Variants in TLR3 observed in about 807,000 individuals in gnomAD.
TLR3 encodes the protein toll like receptor 3.
A neutral mutation model predicts 66.4 loss-of-function variants in TLR3; 43 were observed. That is an observed-to-expected ratio of 0.65 (90% CI 0.51 to 0.83). TLR3 has a LOEUF of 0.83. Among genes scored for constraint, TLR3 ranks in the 40% least tolerant of loss-of-function variants. TLR3 has a pLI of 0.00. For synonymous variants in TLR3, 397 were observed against 397.2 expected (o/e 1.00, Z 0.01); for missense variants, 982 against 1,044.6 (o/e 0.94, Z 0.83).
Position 186,083,838 on chromosome 4 carries a change from T to G in TLR3, c.2152T>G (p.Phe718Val). The G allele has an allele frequency of 6.2e-7, 1 of 1,614,132 alleles. No homozygotes were observed. The highest frequency in any genetic ancestry group is 1.3e-5 in the African/African-American group (1 of 75,042). ...TACCAGTATCCTGTTGATTTTTATC[T>G]TTATTGTACTTCTCATCCACTTTGA... is the stretch of plus-strand genomic sequence containing the variant. ...INTSILLIFI[F>V]IVLLIHFEGW... is the part of the protein sequence containing the mutation. The change falls in exon 4 of 5, where the codon TTT becomes GTT. Residue 718 changes from phenylalanine to valine, a missense_variant. Phe to Val is a conservative substitution (Grantham distance 50). Coordinates refer to ENST00000296795, the MANE Select transcript of TLR3 (RefSeq NM_003265.3). This position sits in a 1 kb window ranked among gnomAD's most constrained non-coding sequence, Gnocchi z 4.0.
At chr4:186,070,791 C>A (rs1399228195) in intron 1 of TLR3, among the ~76,000 whole-genome samples, 1 of 151,984 alleles carries the variant, frequency 6.6e-6, no homozygotes, top group Non-Finnish European at 1.5e-5. Flanking sequence ...GCAGCCTTAA[C>A]CTCCTGGGCT....
chr4:186,079,807 G>C (rs1444627157), intron 3 of TLR3, among the ~76,000 whole-genome samples: 1 of 152,212 alleles, frequency 6.6e-6, no homozygotes, highest in Non-Finnish European at 1.5e-5. Flanking sequence ...ATTGCGAGAA[G>C]GCAACGGGCA....
rs2099304572 is a variant in TLR3 at position 186,087,654 on chromosome 4, G to A, written c.*2781G>A. On this transcript the variant is annotated 3_prime_UTR_variant, in exon 5 of 5. Coordinates refer to ENST00000296795, the MANE Select transcript of TLR3 (RefSeq NM_003265.3). ...TTTTAGACTGTAATCAGAGGTAGATGCTATCAATTTGTTAGTGAGGAGGGG... is the reference window on the plus strand; with the variant it reads ...TTTTAGACTGTAATCAGAGGTAGATACTATCAATTTGTTAGTGAGGAGGGG... 1 of 152,210 alleles carries A rather than the reference G, an allele frequency of 6.6e-6. No homozygotes were observed. The highest frequency in any genetic ancestry group is 6.5e-5 in the Admixed American group (1 of 15,282). The allele number at this position is 152,210 out of a possible 1,614,324, so 9.4% of individuals were successfully genotyped here.
chr4:186,076,008 G>A (rs1263674660), intron 1 of TLR3, among the ~76,000 whole-genome samples: 1 of 151,990 alleles, frequency 6.6e-6, no homozygotes, highest in Non-Finnish European at 1.5e-5. Context: ...ATAAAAATTA[G>A]CCAGGTGTGG....
At chr4:186,077,607 C>G (rs1343385606) in intron 2 of TLR3, among the ~76,000 whole-genome samples, 1 of 150,590 alleles carries the variant, frequency 6.6e-6, no homozygotes, top group Non-Finnish European at 1.5e-5. Context: ...TTTTTCTTTT[C>G]TTTTTAGTTG....
At position 186,083,392 on chromosome 4, in the gene TLR3, T is replaced by C; in HGVS notation, c.1706T>C (p.Leu569Ser). Residue 569 changes from leucine (L) to serine (S), a missense_variant, in exon 4 of 5, where the codon TTG (leucine) becomes TCG (serine). Around this residue, in one of 3 missense-constraint regions of TLR3, gnomAD observed 666 missense variants for 709.0 expected, o/e 0.94. Transcript: ENST00000296795. This position sits in a 1 kb window ranked among gnomAD's most constrained non-coding sequence, Gnocchi z 4.0. ...KGLSHLHILN[L>S]ESNGFDEIPV... is the part of the protein sequence containing the mutation. Reference sequence around the variant, plus strand: ...CTGTCTCACCTCCACATCCTTAACTTGGAGTCCAACGGCTTTGACGAGATC... The same window carrying C: ...CTGTCTCACCTCCACATCCTTAACTCGGAGTCCAACGGCTTTGACGAGATC... 3 of 1,614,184 alleles carry C rather than the reference T, an allele frequency of 1.9e-6. No individual in the cohort carries two copies. In the South Asian group the frequency reaches 3.3e-5, roughly 18 times the overall value.
At position 186,079,311 on chromosome 4, in the gene TLR3, T is replaced by C. The variant is rs1410639923; in HGVS notation, c.633+280T>C. Among the ~76,000 whole-genome samples the C allele has an allele frequency of 2.0e-5, 3 of 152,168 alleles. No homozygotes were observed. The East Asian group carries it at 5.8e-4, about 29-fold the overall frequency. ...ATCTCTGAGTCTGTGTCCTCACTTATAAAGTGGAAATAGTGCTCTCTCACA... is the reference window on the plus strand; with the variant it reads ...ATCTCTGAGTCTGTGTCCTCACTTACAAAGTGGAAATAGTGCTCTCTCACA... On this transcript the variant is annotated intron_variant, in intron 3 of 4. Transcript: ENST00000296795.
chr4:186,075,463 A>T (rs2099302296), intron 1 of TLR3, among the ~76,000 whole-genome samples: 1 of 152,052 alleles, frequency 6.6e-6, no homozygotes, highest in South Asian at 2.1e-4. Context: ...CTCTCTATAA[A>T]ATTTAAAAAA....
chr4:186,081,300 C>A (rs2099303414), intron 3 of TLR3, among the ~76,000 whole-genome samples: 2 of 151,810 alleles, frequency 1.3e-5, no homozygotes, highest in African/African-American at 4.8e-5. Flanking sequence ...GAAATCAGAG[C>A]CCTTTACTCC....
intron 1 of TLR3, among the ~76,000 whole-genome samples, chr4:186,071,812 T>C (rs1214664411): frequency 1.3e-5 from 2 of 152,232 alleles, no homozygotes; most frequent in Non-Finnish European, 2.9e-5. Context: ...CCTAAGGTGA[T>C]TTTATTACCT....
intron 2 of TLR3, among the ~76,000 whole-genome samples, chr4:186,078,336 T>C (rs1375612107): frequency 6.6e-6 from 1 of 152,134 alleles, no homozygotes; most frequent in Admixed American, 6.5e-5. Context: ...AAAATTTATA[T>C]AATATGACCC....
At position 186,084,846 on chromosome 4, in the gene TLR3, A is replaced by G. The variant is rs2099304114; in HGVS notation, c.2688A>G (p.Ala896=). The G allele has an allele frequency of 6.2e-7, 1 of 1,613,938 alleles. No homozygotes were observed. The highest frequency in any genetic ancestry group is 1.3e-5 in the African/African-American group (1 of 75,060). ...CCTTTCGTCATAAATTGCAAGTAGC[A>G]CTTGGATCCAAAAACTCTGTACATT... ...IGAFRHKLQV[A]LGSKNSVH The change falls in exon 5 of 5, where the codon GCA becomes GCG. Residue 896 remains alanine (A), a synonymous_variant. Transcript: ENST00000296795.
rs1579734605 is a variant in TLR3, at chr4:186,087,828, T to C, written c.*2955T>C. ...AACTTAGAAGGAATTTCTTGCAATC[T>C]ATTGAGACACAAAGCAGATGAGTGG... On this transcript the variant is annotated 3_prime_UTR_variant, in exon 5 of 5. Coordinates refer to ENST00000296795, the MANE Select transcript of TLR3 (RefSeq NM_003265.3). 1 of 152,154 alleles carries C rather than the reference T, an allele frequency of 6.6e-6. No homozygotes were observed. The highest frequency in any genetic ancestry group is 2.4e-5 in the African/African-American group (1 of 41,430). The allele number at this position is 152,154 out of a possible 1,614,324, so 9.4% of individuals were successfully genotyped here.
intron 3 of TLR3, among the ~76,000 whole-genome samples, chr4:186,079,609 T>G (rs1274369386): frequency 6.6e-6 from 1 of 152,190 alleles, no homozygotes; most frequent in Non-Finnish European, 1.5e-5. Context: ...TATAAAAACC[T>G]TCCTATAATG....
rs200337561 is a variant in TLR3 at position 186,082,280 on chromosome 4, T to C, written c.634-40T>C. The C allele has an allele frequency of 1.5e-4, 190 of 1,301,274 alleles. 1 individual carries two copies. In the African/African-American group the frequency reaches 2.2e-3, roughly 15 times the overall value. 80.6% of individuals were successfully genotyped at this position (1,301,274 alleles called of 1,614,324 possible). Reference sequence around the variant, plus strand: ...TTTCAACAGCATTACAGAGTCTGTGTTCTTTTGATTGTTAACCTCTTTTTT... The same window carrying C: ...TTTCAACAGCATTACAGAGTCTGTGCTCTTTTGATTGTTAACCTCTTTTTT... On this transcript the variant is annotated intron_variant, in intron 3 of 4. Transcript: ENST00000296795.
intron 3 of TLR3, chr4:186,081,580 A>G (rs942732934): frequency 2.6e-5 from 4 of 152,186 alleles, no homozygotes; most frequent in African/African-American, 9.7e-5. Context: ...GCCATCCACA[A>G]CTTCCTTCCA....
At chr4:186,079,146 C>T (rs2099302970) in intron 3 of TLR3, 115 bp downstream of exon 3, 1 of 983,764 alleles carries the variant, frequency 1.0e-6, no homozygotes, top group African/African-American at 1.6e-5. Context: ...TCCAGCAATC[C>T]TTCCCACCTA....
chr4:186,084,129 T>G lies in TLR3; in HGVS notation c.2443T>G (p.Phe815Val). The change falls in exon 4 of 5, where the codon TTT (phenylalanine) becomes GTT (valine). Residue 815 changes from phenylalanine (F) to valine (V), a missense_variant. By Grantham distance (50) the Phe-to-Val change is conservative. Around this residue, in one of 3 missense-constraint regions of TLR3, gnomAD observed 666 missense variants for 709.0 expected, o/e 0.94. Coordinates refer to ENST00000296795, the MANE Select transcript of TLR3 (RefSeq NM_003265.3). ...CATCAAAAGAAGCAGAAAAATTATT[T>G]TTGTTATAACACACCATCTATTAAA... is the stretch of plus-strand genomic sequence containing the variant. ...NSIKRSRKII[F>V]VITHHLLKDP... 6.2e-7 allele frequency: 1 copy of G among 1,614,034 alleles called. No homozygotes were observed. Among genetic ancestry groups the G allele is most frequent in the Non-Finnish European group, 8.5e-7 (1 of 1,180,002 alleles).
chr4:186,082,636 C>A lies in TLR3; in HGVS notation c.950C>A (p.Ser317Tyr). The A allele has an allele frequency of 1.2e-6, 2 of 1,614,060 alleles. No individual in the cohort carries two copies. Among genetic ancestry groups the A allele is most frequent in the East Asian group, 4.5e-5 (2 of 44,882 alleles). ...YNNIQHLFSH[S>Y]LHGLFNVRYL... The stretch of plus-strand genomic sequence containing the variant: ...AATATACAGCATTTGTTTTCTCACT[C>A]TTTGCACGGGCTTTTCAATGTGAGG... The change falls in exon 4 of 5, where the codon TCT becomes TAT. Residue 317 changes from serine (S) to tyrosine (Y), a missense_variant. Around this residue, in one of 3 missense-constraint regions of TLR3, gnomAD observed 666 missense variants for 709.0 expected, o/e 0.94. Transcript: ENST00000296795.
Sources: allele counts gnomAD v4.1 joint callset (sites outside exome capture counted in the v4.1 genomes callset), GRCh38; gene constraint gnomAD v4.1.1; regional missense constraint gnomAD v4.1.1; non-coding constraint Gnocchi (gnomAD v3.1); transcripts MANE v1.5; gene names NCBI Gene and HGNC (gene_info 2026-07-23, HGNC 2026-07-21).